Variants in IGF1R observed in about 807,000 individuals in gnomAD.
The protein encoded by IGF1R is insulin-like growth factor 1 receptor.
A neutral mutation model predicts 144.6 loss-of-function variants in IGF1R; 44 were observed. That is an observed-to-expected ratio of 0.30 (90% CI 0.24 to 0.39). The LOEUF is 0.39. Ranked by LOEUF, IGF1R falls within the 10% of genes least tolerant of loss-of-function variation. The pLI is 1.00. For missense variants in IGF1R, 1,355 were observed against 1,833.7 expected (o/e 0.74, Z 4.77); for synonymous variants, 795 against 722.8 (o/e 1.10, Z -1.60).
Position 98,935,470 on chromosome 15 carries a change from T to C in IGF1R, c.3297+44T>C, listed in dbSNP as rs1435125725. 5.5e-6 allele frequency: 6 copies of C among 1,099,664 alleles called. No individual in the cohort carries two copies. The East Asian group carries it at 1.3e-4, about 24-fold the overall frequency. The allele number at this position is 1,099,664 out of a possible 1,614,324, so 68.1% of individuals were successfully genotyped here. On this transcript the variant is annotated intron_variant, in intron 17 of 20. Coordinates refer to ENST00000650285, the MANE Select transcript of IGF1R (RefSeq NM_000875.5). The surrounding 1 kb of genome is among the most constrained non-coding windows in gnomAD (Gnocchi z 4.2). ...CGGTATTGCATGTTGCCTGGCCTGC[T>C]CTCTTTTCCTTTATAATCTCCCTGC...
chr15:98,946,421 C>T (rs1318374693), intron 19 of IGF1R, among the ~76,000 whole-genome samples: 1 of 152,130 alleles, frequency 6.6e-6, no homozygotes, highest in African/African-American at 2.4e-5. Context: ...GCTTGAAGTT[C>T]TTGTTAGCCG....
At chr15:98,957,013 A>T in intron 20 of IGF1R, 48 bp from the exon 21 acceptor site, 1 of 1,611,656 alleles carries the variant, frequency 6.2e-7, no homozygotes, top group East Asian at 2.2e-5. Flanking sequence ...CCTCCTGGCC[A>T]TGTGCGCCCT....
intron 4 of IGF1R, among the ~76,000 whole-genome samples, chr15:98,898,701 G>A (rs968704576): frequency 2.6e-5 from 4 of 152,032 alleles, no homozygotes; most frequent in Non-Finnish European, 5.9e-5. Context: ...CCCATTAATT[G>A]GACCACACCC....
chr15:98,763,165 G>A (rs549643482), intron 2 of IGF1R, among the ~76,000 whole-genome samples: 63 of 152,240 alleles, frequency 4.1e-4, no homozygotes, highest in Non-Finnish European at 5.4e-4. Context: ...AACTTTGAGA[G>A]AAAATTAAAA....
chr15:98,787,117 A>G (rs1415590109), intron 2 of IGF1R, among the ~76,000 whole-genome samples: 1 of 152,184 alleles, frequency 6.6e-6, no homozygotes. Context: ...GGACTCGGGC[A>G]AGGGAGTTGA....
chr15:98,852,428 C>G (rs1012440266), intron 2 of IGF1R, among the ~76,000 whole-genome samples: 2 of 152,242 alleles, frequency 1.3e-5, no homozygotes, highest in Admixed American at 6.5e-5. Flanking sequence ...GCCCACCCTC[C>G]CCGCCGGCCA....
In IGF1R at chr15:98,670,503, C is replaced by CA. The variant is rs927679188; in HGVS notation, c.94+20836dup. Reference sequence around the variant, plus strand: ...AAGAGGAATGGTTGGTTCTTAAGAGCAAAAAAAATCCCTTACATATTGGTT... The same window carrying CA: ...AAGAGGAATGGTTGGTTCTTAAGAGCAAAAAAAAATCCCTTACATATTGGTT... On this transcript the variant is annotated intron_variant, in intron 1 of 20. Coordinates refer to ENST00000650285, the MANE Select transcript of IGF1R (RefSeq NM_000875.5). Among the ~76,000 whole-genome samples, 19 of 151,250 alleles carry CA rather than the reference C, an allele frequency of 1.3e-4. No homozygotes were observed. In the East Asian group the frequency reaches 1.7e-3, roughly 14 times the overall value.
chr15:98,662,832 G>T (rs1262304205), intron 1 of IGF1R, among the ~76,000 whole-genome samples: 3 of 152,202 alleles, frequency 2.0e-5, no homozygotes, highest in Non-Finnish European at 4.4e-5. Flanking sequence ...GTGTGGTGTG[G>T]GTGGCAGTGT....
intron 2 of IGF1R, among the ~76,000 whole-genome samples, chr15:98,795,696 A>T (rs2056225816): frequency 6.6e-6 from 1 of 152,200 alleles, no homozygotes; most frequent in East Asian, 1.9e-4. Context: ...GATTACAGTC[A>T]TGAGCCACTG....
chr15:98,839,189 G>C (rs751386708), intron 2 of IGF1R, among the ~76,000 whole-genome samples: 3 of 152,204 alleles, frequency 2.0e-5, no homozygotes, highest in South Asian at 2.1e-4. Context: ...CATATACTCA[G>C]TTGTCCCACA....
At chr15:98,872,250 ATCTTG>A (rs1330762250) in intron 2 of IGF1R, among the ~76,000 whole-genome samples, 3 of 152,236 alleles carry the variant, frequency 2.0e-5, no homozygotes, top group Admixed American at 1.3e-4. Context: ...ATATTTTAGA[ATCTTG>A]TCTTATGATT....
intron 2 of IGF1R, among the ~76,000 whole-genome samples, chr15:98,797,503 T>G (rs1264573724): frequency 6.6e-6 from 1 of 152,208 alleles, no homozygotes; most frequent in African/African-American, 2.4e-5. Flanking sequence ...AGGTTCTGAG[T>G]GCTTCTCCCA....
intron 2 of IGF1R, among the ~76,000 whole-genome samples, chr15:98,819,590 G>A (rs1478084604): frequency 6.6e-6 from 1 of 152,160 alleles, no homozygotes; most frequent in Non-Finnish European, 1.5e-5. Context: ...AGTTTCTGTT[G>A]TTTAAAAGCT....
intron 2 of IGF1R, among the ~76,000 whole-genome samples, chr15:98,802,654 C>T (rs1324028596): frequency 1.3e-5 from 2 of 152,334 alleles, no homozygotes; most frequent in South Asian, 2.1e-4. Context: ...TTTCTGTGGA[C>T]GTGCAAACAT....
intron 2 of IGF1R, among the ~76,000 whole-genome samples, chr15:98,758,612 A>G (rs2055217139): frequency 6.6e-6 from 1 of 152,226 alleles, no homozygotes; most frequent in Admixed American, 6.5e-5. Flanking sequence ...CACCTGGGAC[A>G]GCAGGATGAG....
At chr15:98,800,332 C>T (rs1775792343) in intron 2 of IGF1R, among the ~76,000 whole-genome samples, 4 of 152,088 alleles carry the variant, frequency 2.6e-5, no homozygotes, top group Admixed American at 2.6e-4. Flanking sequence ...TTCCTTATCT[C>T]ATAAGATTTC....
intron 2 of IGF1R, among the ~76,000 whole-genome samples, chr15:98,827,844 G>C (rs1258194760): frequency 6.6e-6 from 1 of 152,192 alleles, no homozygotes; most frequent in Non-Finnish European, 1.5e-5. Flanking sequence ...GCCTCCCAAA[G>C]TGCTGGGATT....
chr15:98,797,781 A>G (rs1473104181), intron 2 of IGF1R, among the ~76,000 whole-genome samples: 2 of 152,252 alleles, frequency 1.3e-5, no homozygotes, highest in Admixed American at 6.5e-5. Context: ...CCATTCTCCA[A>G]ATGGAAAACA....
In IGF1R at chr15:98,939,388, C is replaced by G. The variant is rs184968692; in HGVS notation, c.3457+28C>G. On this transcript the variant is annotated intron_variant, in intron 18 of 20. Coordinates refer to ENST00000650285, the MANE Select transcript of IGF1R (RefSeq NM_000875.5). ...GTGTCCTTAGCTTTCCAGGTCTGGG[C>G]AAGAACTAAACTCAGGTGTTTTGAG... 5.6e-6 allele frequency: 9 copies of G among 1,612,278 alleles called. No homozygotes were observed. The South Asian group carries it at 9.9e-5, about 18-fold the overall frequency.
Sources: allele counts gnomAD v4.1 joint callset (sites outside exome capture counted in the v4.1 genomes callset), GRCh38; gene constraint gnomAD v4.1.1; non-coding constraint Gnocchi (gnomAD v3.1); transcripts MANE v1.5; gene names NCBI Gene and HGNC (gene_info 2026-07-23, HGNC 2026-07-21).